The following UQCC6 variants were observed in gnomAD, a reference collection of about 807,000 sequenced individuals.
UQCC6 encodes protein BRAWNIN.
At chr12:103,962,670 T>C in the UQCC6 span, among the ~76,000 whole-genome samples, 5 of 152,352 alleles carry the variant, frequency 3.3e-5, no homozygotes, top group Admixed American at 6.5e-5. Flanking sequence ...CCTCCCTTTT[T>C]CTAGAAATTT....
At chr12:103,958,289 C>T in the UQCC6 span, among the ~76,000 whole-genome samples, 1 of 151,176 alleles carries the variant, frequency 6.6e-6, no homozygotes, top group Non-Finnish European at 1.5e-5. Context: ...TCATAATACT[C>T]ATATTTGTAA....
chr12:103,960,572 TG>T, the UQCC6 span, among the ~76,000 whole-genome samples: 3 of 152,138 alleles, frequency 2.0e-5, no homozygotes, highest in African/African-American at 7.2e-5. Flanking sequence ...TTTTTATATG[TG>T]GAAAAAAACA....
the UQCC6 span, chr12:103,954,693 T>A: frequency 2.2e-6 from 1 of 457,798 alleles, no homozygotes; most frequent in Non-Finnish European, 3.9e-6. Context: ...TCAACAACAG[T>A]GAGAAGTAGT....
chr12:103,954,727 A>G, the UQCC6 span: 1 of 504,604 alleles, frequency 2.0e-6, no homozygotes, highest in Non-Finnish European at 3.5e-6. Flanking sequence ...CAAACAAGAA[A>G]CAGTAGTTAA....
the UQCC6 span, among the ~76,000 whole-genome samples, chr12:103,964,068 G>A: frequency 6.9e-6 from 1 of 145,648 alleles, no homozygotes; most frequent in Admixed American, 6.8e-5. Context: ...ATAAAAGCCA[G>A]TTTGCTGCAA....
chr12:103,954,635 G>A, the UQCC6 span: 14 of 335,270 alleles, frequency 4.2e-5, no homozygotes, highest in African/African-American at 1.9e-4. Flanking sequence ...ATCACATTTC[G>A]GCGTGAAATT....
the UQCC6 span, among the ~76,000 whole-genome samples, chr12:103,964,650 C>T: frequency 6.6e-6 from 1 of 152,226 alleles, no homozygotes; most frequent in Admixed American, 6.5e-5. Context: ...GTTAATGTGT[C>T]TTTCTGGATG....
chr12:103,962,766 C>T, the UQCC6 span, among the ~76,000 whole-genome samples: 2 of 152,240 alleles, frequency 1.3e-5, no homozygotes, highest in Admixed American at 1.3e-4. Context: ...CTACTCTGAG[C>T]ACACTGCCTA....
At chr12:103,958,727 G>A in the UQCC6 span, among the ~76,000 whole-genome samples, 9 of 152,104 alleles carry the variant, frequency 5.9e-5, no homozygotes, top group African/African-American at 2.2e-4. Context: ...TTGTTGGTGT[G>A]TAAATAAATA....
the UQCC6 span, chr12:103,957,256 G>C: frequency 2.0e-5 from 3 of 152,332 alleles, no homozygotes; most frequent in Non-Finnish European, 2.9e-5. Flanking sequence ...TGGGAGCGCT[G>C]CCGGCGCAGG....
At chr12:103,965,276 T>A in the UQCC6 span, among the ~76,000 whole-genome samples, 1 of 152,072 alleles carries the variant, frequency 6.6e-6, no homozygotes, top group African/African-American at 2.4e-5. Flanking sequence ...AAAGAGGGGT[T>A]AGTCTGTAAG....
At chr12:103,958,426 G>C in the UQCC6 span, among the ~76,000 whole-genome samples, 2 of 151,996 alleles carry the variant, frequency 1.3e-5, no homozygotes, top group Non-Finnish European at 2.9e-5. Context: ...ACCCTCAAAA[G>C]TTTCTTAGTG....
At chr12:103,965,051 T>C in the UQCC6 span, among the ~76,000 whole-genome samples, 2 of 152,224 alleles carry the variant, frequency 1.3e-5, no homozygotes, top group Non-Finnish European at 2.9e-5. Flanking sequence ...TGTTACTATA[T>C]GAATAAACTC....
the UQCC6 span, among the ~76,000 whole-genome samples, chr12:103,957,621 G>C: frequency 6.6e-6 from 1 of 152,124 alleles, no homozygotes; most frequent in Non-Finnish European, 1.5e-5. Flanking sequence ...CCGAAATAGA[G>C]CCACATCCAG....
At chr12:103,952,467 T>C in the UQCC6 span, among the ~76,000 whole-genome samples, 1 of 152,234 alleles carries the variant, frequency 6.6e-6, no homozygotes, top group Non-Finnish European at 1.5e-5. Flanking sequence ...ATATTATGAA[T>C]AATACTGCTC....
the UQCC6 span, among the ~76,000 whole-genome samples, chr12:103,964,956 A>G: frequency 6.6e-6 from 1 of 152,222 alleles, no homozygotes; most frequent in Non-Finnish European, 1.5e-5. Context: ...TGGAGCACAG[A>G]GCCACAGCCA....
chr12:103,959,759 C>T, the UQCC6 span, among the ~76,000 whole-genome samples: 11 of 150,314 alleles, frequency 7.3e-5, no homozygotes, highest in Middle Eastern at 3.4e-3. Flanking sequence ...AATTGCCAAA[C>T]GAATTTCCAA....
the UQCC6 span, among the ~76,000 whole-genome samples, chr12:103,955,153 A>G: frequency 6.6e-5 from 10 of 151,968 alleles, no homozygotes; most frequent in Non-Finnish European, 5.9e-5. Context: ...CATATCTACT[A>G]AAAAATAGAA....
the UQCC6 span, among the ~76,000 whole-genome samples, chr12:103,959,801 C>CTT: frequency 8.7e-5 from 9 of 103,564 alleles, no homozygotes; most frequent in African/African-American, 2.4e-4. Context: ...TTTATTTTTA[C>CTT]TTTTTTTTTT....
Sources: allele counts gnomAD v4.1 joint callset (sites outside exome capture counted in the v4.1 genomes callset), GRCh38; gene constraint gnomAD v4.1.1; transcripts MANE v1.5; gene names NCBI Gene and HGNC (gene_info 2026-07-23, HGNC 2026-07-21).